Variants in DCDC2C observed in about 807,000 individuals in gnomAD.
DCDC2C encodes the protein doublecortin domain containing 2C, also known as doublecortin domain-containing protein 2C.
Under a neutral mutation model 45.0 loss-of-function variants are expected in DCDC2C, and 44 were observed. The observed-to-expected ratio is 0.98, with a 90% confidence interval of 0.77 to 1.26. DCDC2C has a LOEUF of 1.26. Ranked by LOEUF, DCDC2C falls within the 50% of genes most tolerant of loss-of-function variation. DCDC2C has a pLI of 0.00. For missense variants in DCDC2C, 447 were observed against 468.9 expected (o/e 0.95, Z 0.43); for synonymous variants, 187 against 178.8 (o/e 1.05, Z -0.37).
intron 3 of DCDC2C, among the ~76,000 whole-genome samples, chr2:3,737,493 A>G (rs1307360028): frequency 6.6e-6 from 1 of 152,168 alleles, no homozygotes; most frequent in African/African-American, 2.4e-5. Flanking sequence ...ACTATCATCA[A>G]TGTATTTCGG....
At chr2:3,836,430 C>T (rs993321669) in intron 10 of DCDC2C, among the ~76,000 whole-genome samples, 1 of 152,210 alleles carries the variant, frequency 6.6e-6, no homozygotes, top group Non-Finnish European at 1.5e-5. Context: ...GCAGCAAACA[C>T]ACGTTAGTTC....
At chr2:3,794,680 A>G (rs1025541635) in intron 10 of DCDC2C, among the ~76,000 whole-genome samples, 6 of 152,190 alleles carry the variant, frequency 3.9e-5, no homozygotes, top group Admixed American at 1.3e-4. Context: ...CCATGTCCCT[A>G]CAAAGGACAT....
intron 4 of DCDC2C, among the ~76,000 whole-genome samples, chr2:3,748,551 G>A (rs879576817): frequency 5.9e-5 from 9 of 152,278 alleles, no homozygotes; most frequent in Non-Finnish European, 8.8e-5. Flanking sequence ...CGTCCAGTTG[G>A]TGAGGCATGT....
chr2:3,784,944 A>C, intron 9 of DCDC2C, 115 bp from the exon 10 acceptor site: 1 of 674,790 alleles, frequency 1.5e-6, no homozygotes, highest in Non-Finnish European at 2.1e-6. Context: ...AATGATGTTT[A>C]TGAGAAAGAA....
intron 3 of DCDC2C, among the ~76,000 whole-genome samples, chr2:3,739,498 C>A (rs1033400546): frequency 2.6e-5 from 4 of 152,228 alleles, no homozygotes; most frequent in African/African-American, 7.2e-5. Context: ...GAGGAACACA[C>A]AAGTGGCTGA....
intron 3 of DCDC2C, among the ~76,000 whole-genome samples, chr2:3,735,814 ATT>A (rs142534700): frequency 3.4e-5 from 5 of 145,558 alleles, no homozygotes; most frequent in Admixed American, 1.4e-4. Flanking sequence ...GGGTTTGACC[ATT>A]TTTTTTTTTT....
At chr2:3,760,331 A>G (rs1669843672) in intron 6 of DCDC2C, among the ~76,000 whole-genome samples, 1 of 152,236 alleles carries the variant, frequency 6.6e-6, no homozygotes, top group South Asian at 2.1e-4. Flanking sequence ...ATTACTGGGT[A>G]TATACCCAAA....
chr2:3,813,039 G>GTATATATATATATATATATA (rs202152340), intron 10 of DCDC2C, among the ~76,000 whole-genome samples: 14 of 87,390 alleles, frequency 1.6e-4, no homozygotes, highest in Non-Finnish European at 2.3e-4. Flanking sequence ...TGAGAAGAAC[G>GTATATATATATATATATATA]TATATATATA....
At chr2:3,704,981 T>C (rs1668028022) in intron 1 of DCDC2C, among the ~76,000 whole-genome samples, 1 of 152,206 alleles carries the variant, frequency 6.6e-6, no homozygotes, top group African/African-American at 2.4e-5. Context: ...TTACTTATTT[T>C]TTGACTGTGA....
intron 8 of DCDC2C, among the ~76,000 whole-genome samples, chr2:3,772,167 A>G (rs1268085633): frequency 1.2e-4 from 18 of 152,170 alleles, no homozygotes; most frequent in Admixed American, 1.2e-3. Context: ...GAAGAAGGGA[A>G]CCTCATGAAT....
At chr2:3,774,018 C>T (rs1670259426) in intron 8 of DCDC2C, among the ~76,000 whole-genome samples, 1 of 152,218 alleles carries the variant, frequency 6.6e-6, no homozygotes, top group African/African-American at 2.4e-5. Flanking sequence ...ACTGTGCCTC[C>T]AAGGGGTGTA....
At chr2:3,774,150 G>GA (rs2083682196) in intron 8 of DCDC2C, among the ~76,000 whole-genome samples, 1 of 152,180 alleles carries the variant, frequency 6.6e-6, no homozygotes. Flanking sequence ...TGTTTAATTG[G>GA]AAAAAACCTA....
chr2:3,704,225 G>T lies in DCDC2C; in HGVS notation c.287+187G>T, dbSNP rs184610798. The T allele has an allele frequency of 4.6e-3, 2,296 of 493,854 alleles. 43 individuals carry two copies. The highest frequency in any genetic ancestry group is 0.039 in the African/African-American group (1,939 of 50,308). The allele number at this position is 493,854 out of a possible 1,614,324, so 30.6% of individuals were successfully genotyped here. On this transcript the variant is annotated intron_variant, in intron 1 of 10. Transcript: ENST00000399143. ...CCAGGCCACGTGGTTTCCTGGGGGC[G>T]AAGCCGAGGCAGCCCCGCCCCCAGG...
rs1201077869 is a variant in DCDC2C at position 3,818,734 on chromosome 2, G to A, written c.1066-28420G>A. On this transcript the variant is annotated intron_variant, in intron 10 of 10. Coordinates refer to ENST00000399143, the MANE Select transcript of DCDC2C (RefSeq NM_001287444.2). The surrounding 1 kb of genome is among the most constrained non-coding windows in gnomAD (Gnocchi z 4.7). ...ATCGGTCATCAAGGAGGGAGTAGAG[G>A]TGTCTTATACTTGTGGATTAAGGTG... 6.6e-6 allele frequency among the ~76,000 whole-genome samples: 1 copy of A among 152,084 alleles called. No homozygotes were observed. The highest frequency in any genetic ancestry group is 1.9e-4 in the East Asian group (1 of 5,186).
intron 10 of DCDC2C, among the ~76,000 whole-genome samples, chr2:3,806,770 A>G (rs1671258280): frequency 1.3e-5 from 2 of 151,802 alleles, no homozygotes; most frequent in African/African-American, 4.8e-5. Context: ...GCTAGTCTCC[A>G]ACTCCTGACC....
chr2:3,811,218 A>T (rs986632280), intron 10 of DCDC2C, among the ~76,000 whole-genome samples: 1 of 152,174 alleles, frequency 6.6e-6, no homozygotes, highest in East Asian at 1.9e-4. Flanking sequence ...ATGAGAATGG[A>T]ATGTTTTTCC....
intron 10 of DCDC2C, chr2:3,844,759 T>G (rs936069170): frequency 8.5e-5 from 13 of 152,228 alleles, no homozygotes; most frequent in Non-Finnish European, 1.9e-4. Flanking sequence ...ATTCCCTAAC[T>G]GTGCAAGTCT....
intron 3 of DCDC2C, among the ~76,000 whole-genome samples, chr2:3,739,867 T>A (rs188061532): frequency 6.6e-6 from 1 of 152,200 alleles, no homozygotes; most frequent in African/African-American, 2.4e-5. Flanking sequence ...ACAGGCCCAC[T>A]GGGGCTTCAG....
rs1558578429 is a variant in DCDC2C, at chr2:3,752,877, AAGGGTGCCC to A, written c.663_671del (p.Arg221_Pro223del). The A allele has an allele frequency of 2.6e-6, 4 of 1,550,556 alleles. No individual in the cohort carries two copies. In the South Asian group the frequency reaches 4.8e-5, roughly 18 times the overall value. ...AATATTTTCCTTACTGGAAGTCTCC[AAGGGTGCCC>A]AGTGAGGTCCAACAGTGAGCATGCT... is the stretch of plus-strand genomic sequence containing the variant. On this transcript the variant is annotated inframe_deletion, in exon 5 of 11. Coordinates refer to ENST00000399143, the MANE Select transcript of DCDC2C (RefSeq NM_001287444.2).
Sources: allele counts gnomAD v4.1 joint callset (sites outside exome capture counted in the v4.1 genomes callset), GRCh38; gene constraint gnomAD v4.1.1; non-coding constraint Gnocchi (gnomAD v3.1); transcripts MANE v1.5; gene names NCBI Gene and HGNC (gene_info 2026-07-23, HGNC 2026-07-21).